Variants in FAM53B observed in about 807,000 individuals in gnomAD.
FAM53B encodes family with sequence similarity 53 member B.
In FAM53B, 12 loss-of-function variants were observed where a neutral mutation model predicts 32.7. The observed-to-expected ratio is 0.37, with a 90% CI of 0.24 to 0.59. The LOEUF is 0.59. Ranked by LOEUF, FAM53B falls within the 20% of genes least tolerant of loss-of-function variation. The pLI, the probability that FAM53B is intolerant of heterozygous loss-of-function variation, is 0.72. For synonymous variants in FAM53B, 234 were observed against 228.7 expected, an observed-to-expected ratio of 1.02 and a Z score of -0.21; for missense variants, 477 against 577.7, an observed-to-expected ratio of 0.83 and a Z score of 1.79.
At chr10:124,718,586 G>A (rs941177475) in intron 1 of FAM53B, among the ~76,000 whole-genome samples, 1 of 152,218 alleles carries the variant, frequency 6.6e-6, no homozygotes, top group Non-Finnish European at 1.5e-5. Flanking sequence ...CTACTGCAGG[G>A]GAGGGTTCTG....
At chr10:124,642,151 G>C (rs765832632) in intron 4 of FAM53B, among the ~76,000 whole-genome samples, 2 of 152,216 alleles carry the variant, frequency 1.3e-5, no homozygotes, top group African/African-American at 4.8e-5. Flanking sequence ...TGGCTGTGCC[G>C]GGCAGGCTCA....
intron 4 of FAM53B, among the ~76,000 whole-genome samples, chr10:124,670,070 G>C (rs1331273710): frequency 6.6e-6 from 1 of 152,124 alleles, no homozygotes; most frequent in Non-Finnish European, 1.5e-5. Flanking sequence ...AGGCTGATGT[G>C]TGTGCAGATA....
rs1185373095 is a variant in FAM53B, at chr10:124,651,757, CGGCAGTGACTGGGCACT to C, written c.907-28170_907-28154del. Among the ~76,000 whole-genome samples, 2 of 152,220 alleles carry C rather than the reference CGGCAGTGACTGGGCACT, an allele frequency of 1.3e-5. No individual in the cohort carries two copies. Among genetic ancestry groups the C allele is most frequent in the Non-Finnish European group, 2.9e-5 (2 of 68,038 alleles). ...CAGATGTCTAGCCCCTGCCTCAGGTCGGCAGTGACTGGGCACTGGCACATGGCGGGGACACGCCACCC... is the reference window on the plus strand; with the variant it reads ...CAGATGTCTAGCCCCTGCCTCAGGTCGGCACATGGCGGGGACACGCCACCC... On this transcript the variant is annotated intron_variant, in intron 4 of 4. Transcript: ENST00000337318. The surrounding 1 kb of genome is among the most constrained non-coding windows in gnomAD (Gnocchi z 5.2).
rs549763327 is a variant in FAM53B, at chr10:124,669,334, G to A, written c.906+12273C>T. 3.3e-5 allele frequency among the ~76,000 whole-genome samples: 5 copies of A among 152,288 alleles called. No homozygotes were observed. The South Asian group carries it at 1.0e-3, about 32-fold the overall frequency. ...TACAACAGGACAGCTGAACCGCAGT[G>A]CCAGGCAGAACTAAAGCGCTCTTCC... On this transcript the variant is annotated intron_variant, in intron 4 of 4. Transcript: ENST00000337318.
At chr10:124,662,028 AC>A in intron 4 of FAM53B, among the ~76,000 whole-genome samples, 1 of 152,164 alleles carries the variant, frequency 6.6e-6, no homozygotes, top group East Asian at 1.9e-4. Flanking sequence ...GGCCTAGCCA[AC>A]CCCTCACCTC....
At chr10:124,695,910 A>T (rs887696323) in intron 3 of FAM53B, among the ~76,000 whole-genome samples, 3 of 152,234 alleles carry the variant, frequency 2.0e-5, no homozygotes, top group African/African-American at 7.2e-5. Context: ...GAATGAAAAA[A>T]ATCAACATGA....
Position 124,682,203 on chromosome 10 carries a change from T to C in FAM53B, c.310A>G (p.Asn104Asp). Residue 104 changes from asparagine (N) to aspartate (D), a missense_variant, in exon 4 of 5, where the codon AAC becomes GAC. Coordinates refer to ENST00000337318, the MANE Select transcript of FAM53B (RefSeq NM_014661.4). This position sits in a 1 kb window ranked among gnomAD's most constrained non-coding sequence, Gnocchi z 5.2. ...CGCTTGCTAGGGGGTGCTGAGGGGT[T>C]CCCGTTGTGGTCGCTGATGCTGAGG... ...KDLSISDHNGNPSAPPSKRQC... is the reference protein window; with the variant it reads ...KDLSISDHNGDPSAPPSKRQC... The C allele has an allele frequency of 6.2e-7, 1 of 1,613,910 alleles. No homozygotes were observed. The highest frequency in any genetic ancestry group is 8.5e-7 in the Non-Finnish European group (1 of 1,179,958).
intron 4 of FAM53B, among the ~76,000 whole-genome samples, chr10:124,636,939 G>A (rs763371130): frequency 5.3e-5 from 8 of 152,136 alleles, no homozygotes; most frequent in East Asian, 3.9e-4. Context: ...ACTTCCTCTC[G>A]ATCTGGGGGG....
intron 1 of FAM53B, among the ~76,000 whole-genome samples, chr10:124,722,819 G>A (rs1346334332): frequency 4.6e-5 from 7 of 152,144 alleles, no homozygotes; most frequent in African/African-American, 7.2e-5. Context: ...CGTGTAGCTG[G>A]GGACAGGGAT....
rs1949304926 is a variant in FAM53B, at chr10:124,620,724, T to C, written c.*2518A>G. 1 of 152,354 alleles carries C rather than the reference T, an allele frequency of 6.6e-6. No individual in the cohort carries two copies. The allele number at this position is 152,354 out of a possible 1,614,324, so 9.4% of individuals were successfully genotyped here. ...GGATGATGGGGTGGCACCTTATAGA[T>C]AGGGTCTACTCCCTCCAGTCAAAAC... On this transcript the variant is annotated 3_prime_UTR_variant, in exon 5 of 5. Transcript: ENST00000337318.
chr10:124,733,039 T>TGA lies in FAM53B; in HGVS notation c.-175+10972_-175+10973dup, dbSNP rs1411669774. ...CTCTTTTACTTTCTTTTCTAACAGG[T>TGA]GAAGGCATGTGCTAACCTCCCCGGG... On this transcript the variant is annotated intron_variant, in intron 1 of 4. Transcript: ENST00000337318. The surrounding 1 kb of genome is among the most constrained non-coding windows in gnomAD (Gnocchi z 4.3). Among the ~76,000 whole-genome samples the TGA allele has an allele frequency of 6.6e-6, 1 of 152,136 alleles. No homozygotes were observed. The highest frequency in any genetic ancestry group is 1.5e-5 in the Non-Finnish European group (1 of 68,026).
chr10:124,716,063 TGA>T (rs770965183), intron 1 of FAM53B, among the ~76,000 whole-genome samples: 102 of 152,344 alleles, frequency 6.7e-4, no homozygotes, highest in Non-Finnish European at 1.3e-3. Context: ...GCAGGGCAAG[TGA>T]GAGTGGCTGG....
chr10:124,628,826 C>A (rs2134036920), intron 4 of FAM53B, among the ~76,000 whole-genome samples: 1 of 152,364 alleles, frequency 6.6e-6, no homozygotes, highest in Middle Eastern at 3.4e-3. Context: ...GGGATCAAGT[C>A]CCACGTGCTA....
chr10:124,686,583 G>C (rs968293641), intron 3 of FAM53B, among the ~76,000 whole-genome samples: 1 of 152,176 alleles, frequency 6.6e-6, no homozygotes, highest in African/African-American at 2.4e-5. Context: ...CTAGCTCTGT[G>C]ATCGTACAGC....
intron 3 of FAM53B, among the ~76,000 whole-genome samples, chr10:124,689,953 G>A (rs183140205): frequency 5.4e-4 from 82 of 152,350 alleles, no homozygotes; most frequent in African/African-American, 1.9e-3. Context: ...TAAATGTACA[G>A]GGAACAGCTA....
chr10:124,623,593 G>A lies in FAM53B; in HGVS notation c.918C>T (p.Thr306=), dbSNP rs1271917006. 1.2e-6 allele frequency: 2 copies of A among 1,609,536 alleles called. No individual in the cohort carries two copies. The highest frequency in any genetic ancestry group is 2.2e-5 in the East Asian group (1 of 44,878). The change falls in exon 5 of 5, where the codon ACC becomes ACT. Residue 306 remains threonine (T), a synonymous_variant. Coordinates refer to ENST00000337318, the MANE Select transcript of FAM53B (RefSeq NM_014661.4). Reference sequence around the variant, plus strand: ...CGCTCAGGCAGCTGAGGCTGCTGAAGGTCTGACAGTTCTGTGGAGGGGCAG... The same window carrying A: ...CGCTCAGGCAGCTGAGGCTGCTGAAAGTCTGACAGTTCTGTGGAGGGGCAG... ...DLAKMAQNCQ[T]FSSLSCLSAG...
intron 4 of FAM53B, among the ~76,000 whole-genome samples, chr10:124,643,115 T>C (rs1949487750): frequency 1.3e-5 from 2 of 152,170 alleles, no homozygotes; most frequent in African/African-American, 4.8e-5. Context: ...CAAAAATGTC[T>C]CTTCCTAGAT....
chr10:124,676,976 G>C (rs908801065), intron 4 of FAM53B, among the ~76,000 whole-genome samples: 1 of 152,122 alleles, frequency 6.6e-6, no homozygotes, highest in Non-Finnish European at 1.5e-5. Flanking sequence ...CCTCTGTTTC[G>C]ACATCCCGAC....
intron 4 of FAM53B, among the ~76,000 whole-genome samples, chr10:124,672,425 T>C (rs1376691888): frequency 2.0e-5 from 3 of 152,266 alleles, no homozygotes; most frequent in African/African-American, 7.2e-5. Context: ...GAAATCCTCC[T>C]GGGGTTGGCC....
Sources: allele counts gnomAD v4.1 joint callset (sites outside exome capture counted in the v4.1 genomes callset), GRCh38; gene constraint gnomAD v4.1.1; non-coding constraint Gnocchi (gnomAD v3.1); transcripts MANE v1.5; gene names NCBI Gene and HGNC (gene_info 2026-07-23, HGNC 2026-07-21).